TARS3: variants seen among roughly 807,000 people sequenced by gnomAD.
The protein encoded by TARS3 is threonine--tRNA ligase 2, cytoplasmic.
TARS3 carries 94 observed loss-of-function variants against 103.5 expected under a neutral mutation model. That is an observed-to-expected ratio of 0.91 (90% CI 0.77 to 1.08). The LOEUF is 1.08. Ranked by LOEUF, TARS3 falls within the 50% of genes least tolerant of loss-of-function variation. The probability of loss-of-function intolerance (pLI) is 0.00; values close to 1 mark genes in which losing one functional copy is unlikely to be tolerated. For synonymous variants in TARS3, 416 were observed against 355.4 expected, an observed-to-expected ratio of 1.17 and a Z score of -1.92; for missense variants, 952 against 995.2, an observed-to-expected ratio of 0.96 and a Z score of 0.58.
intron 10 of TARS3, among the ~76,000 whole-genome samples, chr15:101,698,873 T>C (rs919141432): frequency 1.3e-5 from 2 of 152,210 alleles, no homozygotes; most frequent in Non-Finnish European, 2.9e-5. Context: ...AGAATGGACT[T>C]CCCTACAGTC....
At chr15:101,715,303 C>T (rs868004100) in intron 3 of TARS3, among the ~76,000 whole-genome samples, 14 of 151,188 alleles carry the variant, frequency 9.3e-5, no homozygotes, top group Non-Finnish European at 1.3e-4. Context: ...CCCGCCACTA[C>T]GCGCGGCTAA....
At chr15:101,656,423 T>A (rs1897200878) in intron 18 of TARS3, among the ~76,000 whole-genome samples, 1 of 152,250 alleles carries the variant, frequency 6.6e-6, no homozygotes, top group African/African-American at 2.4e-5. Flanking sequence ...TTTGGAATCA[T>A]TTTTAAAGCC....
intron 15 of TARS3, among the ~76,000 whole-genome samples, chr15:101,671,077 G>C (rs1246228488): frequency 6.7e-6 from 1 of 149,808 alleles, no homozygotes; most frequent in East Asian, 2.0e-4. Flanking sequence ...CACACACACA[G>C]AGTTAATTTT....
rs183127301 is a variant in TARS3, at chr15:101,711,062, C to G, written c.812+818G>C. ...GAAGCATCTGTGACACATCCCTGTC[C>G]GGCACTCAACTATGTGAGATGTTTG... On this transcript the variant is annotated intron_variant, in intron 5 of 18. Coordinates refer to ENST00000335968, the MANE Select transcript of TARS3 (RefSeq NM_152334.3). 1.3e-3 allele frequency among the ~76,000 whole-genome samples: 192 copies of G among 152,192 alleles called. 1 individual carries two copies. Among genetic ancestry groups the G allele is most frequent in the Non-Finnish European group, 2.4e-4 (16 of 68,008 alleles).
At chr15:101,661,119 G>GGACCACAAGATGCACCACTCAAAAAA (rs1479268637) in intron 16 of TARS3, among the ~76,000 whole-genome samples, 1 of 151,940 alleles carries the variant, frequency 6.6e-6, no homozygotes, top group African/African-American at 2.4e-5. Context: ...CACTCAAAAA[G>GGACCACAAGATGCACCACTCAAAAAA]GACCACAAGA....
intron 10 of TARS3, among the ~76,000 whole-genome samples, chr15:101,697,654 T>A (rs1424065098): frequency 1.3e-5 from 2 of 152,170 alleles, no homozygotes; most frequent in Admixed American, 6.5e-5. Context: ...ATTCAGATTA[T>A]AATCATCAAA....
At chr15:101,702,218 T>C in intron 9 of TARS3, 21 bp downstream of exon 9, 2 of 1,612,664 alleles carry the variant, frequency 1.2e-6, no homozygotes, top group Non-Finnish European at 1.7e-6. Context: ...ACATCTCCAG[T>C]GATTAAGATG....
chr15:101,677,265 T>A (rs1567331712), intron 12 of TARS3, among the ~76,000 whole-genome samples: 1 of 152,200 alleles, frequency 6.6e-6, no homozygotes, highest in Non-Finnish European at 1.5e-5. Context: ...CTCACCAATG[T>A]GGGTGGGCCT....
intron 10 of TARS3, among the ~76,000 whole-genome samples, chr15:101,695,371 C>T (rs1278669386): frequency 1.3e-5 from 2 of 152,174 alleles, no homozygotes; most frequent in African/African-American, 2.4e-5. Flanking sequence ...CATTCTCTGA[C>T]TTATCTGGCT....
Position 101,701,140 on chromosome 15 carries a change from A to G in TARS3, c.1266T>C (p.Cys422=), listed in dbSNP as rs769903573. ...FFFHDLSPGS[C]FFLPRGAFIY... ...TGAAGGCTCCTCTGGGAAGGAAAAA[A>G]CAGCTTCCAGGACTCAAATCGTGGA... Residue 422 remains cysteine (C), a synonymous_variant, in exon 10 of 19, where the codon TGT becomes TGC. Coordinates refer to ENST00000335968, the MANE Select transcript of TARS3 (RefSeq NM_152334.3). 1 of 1,600,094 alleles carries G rather than the reference A, an allele frequency of 6.2e-7. No homozygotes were observed. Among genetic ancestry groups the G allele is most frequent in the Admixed American group, 1.8e-5 (1 of 56,272 alleles).
intron 12 of TARS3, among the ~76,000 whole-genome samples, chr15:101,676,712 G>A (rs1334444686): frequency 3.3e-5 from 5 of 151,326 alleles, no homozygotes; most frequent in African/African-American, 1.2e-4. Flanking sequence ...TCGCCATGTT[G>A]GCCAGGCTGG....
At chr15:101,675,991 A>C (rs1898009635) in intron 12 of TARS3, among the ~76,000 whole-genome samples, 1 of 152,320 alleles carries the variant, frequency 6.6e-6, no homozygotes, top group Non-Finnish European at 1.5e-5. Flanking sequence ...AGCGGCACGG[A>C]GGGGCTGCCC....
At chr15:101,668,729 T>A (rs192113327) in intron 15 of TARS3, among the ~76,000 whole-genome samples, 1 of 152,292 alleles carries the variant, frequency 6.6e-6, no homozygotes, top group East Asian at 1.9e-4. Flanking sequence ...CGTAACAGTG[T>A]TCTGGCCAAC....
chr15:101,675,240 G>T (rs1897974050), intron 13 of TARS3, among the ~76,000 whole-genome samples: 1 of 152,134 alleles, frequency 6.6e-6, no homozygotes, highest in Non-Finnish European at 1.5e-5. Context: ...GCAGCCCTGG[G>T]ACTCTACAGT....
At chr15:101,703,057 A>G (rs901571239) in intron 8 of TARS3, among the ~76,000 whole-genome samples, 3 of 152,236 alleles carry the variant, frequency 2.0e-5, no homozygotes, top group Non-Finnish European at 2.9e-5. Flanking sequence ...GATTAAGAAC[A>G]GTGCCATTAG....
chr15:101,669,675 C>T (rs1897720914), intron 15 of TARS3, among the ~76,000 whole-genome samples: 1 of 152,198 alleles, frequency 6.6e-6, no homozygotes, highest in African/African-American at 2.4e-5. Flanking sequence ...CACTGTGTTA[C>T]AGTTGCCTAC....
At position 101,659,515 on chromosome 15, in the gene TARS3, A is replaced by G. The variant is rs947961663; in HGVS notation, c.2073-1658T>C. Among the ~76,000 whole-genome samples the G allele has an allele frequency of 3.9e-5, 6 of 152,112 alleles. No homozygotes were observed. The East Asian group carries it at 1.2e-3, about 29-fold the overall frequency. ...AGGCTGACTGCTGTCTGAAGTCTGG[A>G]TGTATGAAGTGCAGGGAGTATACTT... is the stretch of plus-strand genomic sequence containing the variant. On this transcript the variant is annotated intron_variant, in intron 16 of 18. Transcript: ENST00000335968.
intron 18 of TARS3, among the ~76,000 whole-genome samples, chr15:101,656,569 G>A (rs1897204549): frequency 6.6e-6 from 1 of 152,066 alleles, no homozygotes; most frequent in Non-Finnish European, 1.5e-5. Context: ...TTCCTAATAA[G>A]CCAGAAAAGT....
intron 5 of TARS3, among the ~76,000 whole-genome samples, chr15:101,710,126 C>T (rs116532090): frequency 3.8e-3 from 584 of 152,280 alleles, no homozygotes; most frequent in African/African-American, 0.014. Flanking sequence ...TATAATGAAA[C>T]CTCCATTAAA....
Sources: gnomAD v4.1 joint callset for allele counts (sites outside exome capture counted in the v4.1 genomes callset) on GRCh38, gnomAD v4.1.1 for gene constraint, MANE v1.5 for transcripts, NCBI Gene and HGNC (gene_info 2026-07-23, HGNC 2026-07-21) for gene names.